FNBP4: variants seen among roughly 807,000 people sequenced by gnomAD.
FNBP4 encodes formin-binding protein 4.
A neutral mutation model predicts 119.3 loss-of-function variants in FNBP4; 34 were observed. The ratio of observed to expected loss-of-function variants is 0.28; its 90% CI spans 0.22 to 0.38. FNBP4 has a LOEUF of 0.38. Ranked by LOEUF, FNBP4 falls within the 10% of genes least tolerant of loss-of-function variation. The probability of loss-of-function intolerance (pLI) is 1.00; values close to 1 mark genes in which losing one functional copy is unlikely to be tolerated. For synonymous variants in FNBP4, 462 were observed against 430.6 expected (o/e 1.07, Z -0.90); for missense variants, 1,112 against 1,228.9 (o/e 0.90, Z 1.42).
chr11:47,745,450 C>T (rs1407595346), intron 7 of FNBP4, among the ~76,000 whole-genome samples: 4 of 152,048 alleles, frequency 2.6e-5, no homozygotes, highest in Non-Finnish European at 4.4e-5. Flanking sequence ...GAGATACGCC[C>T]TGGTCTCCTG....
intron 2 of FNBP4, among the ~76,000 whole-genome samples, chr11:47,763,672 C>T (rs2097640853): frequency 1.3e-5 from 2 of 151,734 alleles, no homozygotes; most frequent in Admixed American, 1.3e-4. Flanking sequence ...AGCTAATTTT[C>T]TGTATTTTTA....
intron 6 of FNBP4, among the ~76,000 whole-genome samples, chr11:47,748,593 T>C (rs912537320): frequency 1.2e-4 from 18 of 151,952 alleles, no homozygotes; most frequent in African/African-American, 4.3e-4. Flanking sequence ...CAGGCTGGTT[T>C]AGAACTCCTG....
chr11:47,754,829 T>C (rs760633779), intron 2 of FNBP4, among the ~76,000 whole-genome samples, 165 bp from the exon 3 acceptor site: 3 of 151,992 alleles, frequency 2.0e-5, no homozygotes, highest in East Asian at 1.9e-4. Flanking sequence ...AATTACATCG[T>C]ATGGTTAAAG....
Position 47,732,660 on chromosome 11 carries a change from G to A in FNBP4, c.1697C>T (p.Ala566Val). Residue 566 changes from alanine (A) to valine (V), a missense_variant, in exon 11 of 17, where the codon GCA (alanine) becomes GTA (valine). Transcript: ENST00000263773. This position sits in a 1 kb window ranked among gnomAD's most constrained non-coding sequence, Gnocchi z 4.2. ...ATTAAGAGCCCCTTCCCGCCAGTCT[G>A]CAATTCGAGTCTAGAATAAACAGAC... Reference protein sequence around the residue: ...VLLLQTETRIADWREGALNGN... With the variant: ...VLLLQTETRIVDWREGALNGN... 6.2e-7 allele frequency: 1 copy of A among 1,614,140 alleles called. No homozygotes were observed. The highest frequency in any genetic ancestry group is 1.1e-5 in the South Asian group (1 of 91,088).
chr11:47,732,625 G>C lies in FNBP4; in HGVS notation c.1732C>G (p.Leu578Val), dbSNP rs764249233. 2 of 1,614,140 alleles carry C rather than the reference G, an allele frequency of 1.2e-6. No individual in the cohort carries two copies. Among genetic ancestry groups the C allele is most frequent in the South Asian group, 1.1e-5 (1 of 91,078 alleles). Residue 578 changes from leucine to valine, a missense_variant, in exon 11 of 17, where the codon CTT becomes GTT. This residue lies in a region of FNBP4 where 826 missense variants were observed against 988.8 expected (regional missense o/e 0.84). Transcript: ENST00000263773. This position sits in a 1 kb window ranked among gnomAD's most constrained non-coding sequence, Gnocchi z 4.2. ...WREGALNGNY[L>V]KRKLQDAAEQ... The stretch of plus-strand genomic sequence containing the variant: ...GCTGCATCCTGAAGTTTTCGTTTAA[G>C]GTAGTTTCCATTAAGAGCCCCTTCC...
At chr11:47,726,640 A>T (rs781194336) in intron 12 of FNBP4, 2 of 152,062 alleles carry the variant, frequency 1.3e-5, no homozygotes, top group African/African-American at 4.8e-5. Context: ...TGGCTAAATG[A>T]CCTCAAATGA....
rs759969339 is a variant in FNBP4 at position 47,720,021 on chromosome 11, T to C, written c.2871A>G (p.Leu957=). The C allele has an allele frequency of 3.7e-6, 6 of 1,614,018 alleles. No homozygotes were observed. The African/African-American group carries it at 6.7e-5, about 18-fold the overall frequency. Residue 957 remains leucine (L), a synonymous_variant, in exon 16 of 17, where the codon TTA becomes TTG. Transcript: ENST00000263773. The stretch of plus-strand genomic sequence containing the variant: ...TGGAACTAGAATTGTCCTCTTCATC[T>C]AACTCACGCTGGATACTCTGCCACT... The part of the protein sequence containing the change: ...VKKWQSIQRE[L]DEEDNSSSSE...
At position 47,751,049 on chromosome 11, in the gene FNBP4, A is replaced by C; in HGVS notation, c.786-13T>G. On this transcript the variant is annotated splice_polypyrimidine_tract_variant and intron_variant, in intron 5 of 16. Coordinates refer to ENST00000263773, the MANE Select transcript of FNBP4 (RefSeq NM_015308.5). ...ACCTGGCACAGAACTAAAAAAATAT[A>C]TACTTAGCAAGAGAAATATAAGACA... is the stretch of plus-strand genomic sequence containing the variant. The C allele has an allele frequency of 6.2e-7, 1 of 1,612,842 alleles. No individual in the cohort carries two copies. The highest frequency in any genetic ancestry group is 8.5e-7 in the Non-Finnish European group (1 of 1,179,620).
intron 2 of FNBP4, among the ~76,000 whole-genome samples, chr11:47,761,245 T>C (rs2097633672): frequency 6.6e-6 from 1 of 152,138 alleles, no homozygotes. Context: ...GGAATGAAGT[T>C]AGAGTAACAC....
At chr11:47,750,827 A>C in intron 6 of FNBP4, 89 bp downstream of exon 6, 1 of 1,381,182 alleles carries the variant, frequency 7.2e-7, no homozygotes. Flanking sequence ...GTATGACATA[A>C]AATATTAAGA....
chr11:47,735,547 G>A (rs1304808346), intron 9 of FNBP4, among the ~76,000 whole-genome samples: 1 of 152,186 alleles, frequency 6.6e-6, no homozygotes, highest in Non-Finnish European at 1.5e-5. Context: ...AATTAAATCT[G>A]TGACTTTTCT....
intron 16 of FNBP4, among the ~76,000 whole-genome samples, chr11:47,719,538 T>C (rs1050748659): frequency 3.9e-5 from 6 of 151,928 alleles, no homozygotes; most frequent in Non-Finnish European, 8.8e-5. Context: ...TCTAATTCTA[T>C]AAATTATTTG....
chr11:47,751,442 G>C, intron 4 of FNBP4, 152 bp from the exon 5 acceptor site: 2 of 827,454 alleles, frequency 2.4e-6, no homozygotes, highest in Non-Finnish European at 3.8e-6. Context: ...ATCCTATGTG[G>C]AGGTTTTAGC....
intron 2 of FNBP4, among the ~76,000 whole-genome samples, chr11:47,763,561 C>A (rs953594264): frequency 4.0e-5 from 6 of 151,660 alleles, no homozygotes; most frequent in Non-Finnish European, 8.8e-5. Flanking sequence ...AGTGCAGTGG[C>A]GTGATCTCGG....
chr11:47,731,876 A>AGGGACTCAATC, intron 11 of FNBP4: 1 of 1,049,024 alleles, frequency 9.5e-7, no homozygotes, highest in Non-Finnish European at 1.1e-6. Context: ...TCATTAATGA[A>AGGGACTCAATC]GGGACTCAAT....
chr11:47,735,451 T>C (rs2097572737), intron 9 of FNBP4, among the ~76,000 whole-genome samples: 1 of 152,216 alleles, frequency 6.6e-6, no homozygotes, highest in South Asian at 2.1e-4. Context: ...CTAATACTTA[T>C]TTGGTCTAAC....
At chr11:47,761,482 C>T (rs920086693) in intron 2 of FNBP4, among the ~76,000 whole-genome samples, 1 of 152,124 alleles carries the variant, frequency 6.6e-6, no homozygotes, top group Non-Finnish European at 1.5e-5. Context: ...ATCCCAGCTA[C>T]TAGGGAGGCT....
rs1351602458 is a variant in FNBP4, at chr11:47,743,997, C to T, written c.1412G>A (p.Ser471Asn). 4.3e-6 allele frequency: 7 copies of T among 1,614,072 alleles called. No individual in the cohort carries two copies. The highest frequency in any genetic ancestry group is 5.9e-6 in the Non-Finnish European group (7 of 1,180,042). ...RATSPESTSR[S>N]SSKTGRDTPE... Reference sequence around the variant, plus strand: ...AGTATCTCGTCCAGTTTTACTAGAACTCCTACTGGTAGATTCTGGACTGGT... The same window carrying T: ...AGTATCTCGTCCAGTTTTACTAGAATTCCTACTGGTAGATTCTGGACTGGT... The change falls in exon 8 of 17, where the codon AGT becomes AAT. Residue 471 changes from serine (S) to asparagine (N), a missense_variant. By Grantham distance (46) the Ser-to-Asn change is conservative. Transcript: ENST00000263773.
intron 12 of FNBP4, chr11:47,729,241 G>GT: frequency 1.0e-6 from 1 of 985,334 alleles, no homozygotes; most frequent in Non-Finnish European, 1.2e-6. Context: ...GAAGAGCTCA[G>GT]TTTAGCAATT....
Sources: gnomAD v4.1 joint callset for allele counts (sites outside exome capture counted in the v4.1 genomes callset) on GRCh38, gnomAD v4.1.1 for gene constraint, gnomAD v4.1.1 regional missense constraint, Gnocchi (gnomAD v3.1) non-coding constraint, MANE v1.5 for transcripts, NCBI Gene and HGNC (gene_info 2026-07-23, HGNC 2026-07-21) for gene names.